Variants in RNF130 observed in about 807,000 individuals in gnomAD.
RNF130 encodes ring finger protein 130, also known as E3 ubiquitin-protein ligase RNF130.
Under a neutral mutation model 44.6 loss-of-function variants are expected in RNF130, and 21 were observed. That is an observed-to-expected ratio of 0.47 (90% CI 0.33 to 0.68). RNF130 has a LOEUF of 0.68. Ranked by LOEUF, RNF130 falls within the 30% of genes least tolerant of loss-of-function variation. The pLI, the probability that RNF130 is intolerant of heterozygous loss-of-function variation, is 0.02. For missense variants in RNF130, 479 were observed against 560.6 expected, an observed-to-expected ratio of 0.85 and a Z score of 1.47; for synonymous variants, 214 against 210.4, an observed-to-expected ratio of 1.02 and a Z score of -0.15.
chr5:179,994,998 G>A (rs1019194762), intron 3 of RNF130, among the ~76,000 whole-genome samples: 5 of 152,148 alleles, frequency 3.3e-5, no homozygotes, highest in Non-Finnish European at 5.9e-5. Flanking sequence ...GTGAAGCTGG[G>A]TAGAGCTGGA....
chr5:179,988,433 T>C (rs975313531), intron 3 of RNF130, among the ~76,000 whole-genome samples: 1 of 152,228 alleles, frequency 6.6e-6, no homozygotes, highest in Non-Finnish European at 1.5e-5. Flanking sequence ...TCTTTCATTC[T>C]ACCAATTTTG....
At chr5:179,921,918 G>A (rs948810673) in intron 7 of RNF130, among the ~76,000 whole-genome samples, 2 of 151,868 alleles carry the variant, frequency 1.3e-5, no homozygotes, top group Non-Finnish European at 1.5e-5. Context: ...CTACTCGGGA[G>A]GCTGAGGCAG....
intron 1 of RNF130, among the ~76,000 whole-genome samples, chr5:180,046,468 G>A (rs750759408): frequency 1.1e-4 from 17 of 152,140 alleles, no homozygotes; most frequent in Admixed American, 7.2e-4. Flanking sequence ...ATGTAAACAC[G>A]CCACATAAGA....
chr5:180,007,787 C>T (rs1038494459), intron 3 of RNF130, among the ~76,000 whole-genome samples: 1 of 152,136 alleles, frequency 6.6e-6, no homozygotes, highest in South Asian at 2.1e-4. Context: ...CCCGGCCCCA[C>T]ACTGGGTGCT....
At chr5:179,957,186 T>A (rs1582139747) in intron 8 of RNF130, among the ~76,000 whole-genome samples, 1 of 152,018 alleles carries the variant, frequency 6.6e-6, no homozygotes, top group South Asian at 2.1e-4. Context: ...CTGAGGTGGG[T>A]GGATCACCTG....
intron 5 of RNF130, among the ~76,000 whole-genome samples, chr5:179,971,359 A>G (rs1348845933): frequency 6.6e-6 from 1 of 152,162 alleles, no homozygotes; most frequent in Non-Finnish European, 1.5e-5. Context: ...TTGGGATAAG[A>G]TAAAAGAAAT....
At chr5:180,007,000 C>T (rs1055732839) in intron 3 of RNF130, among the ~76,000 whole-genome samples, 21 of 152,198 alleles carry the variant, frequency 1.4e-4, no homozygotes, top group African/African-American at 4.8e-4. Flanking sequence ...TCTTATATCA[C>T]ATGCAAAATG....
intron 3 of RNF130, among the ~76,000 whole-genome samples, chr5:179,989,968 T>A (rs903681488): frequency 1.3e-5 from 2 of 152,198 alleles, no homozygotes; most frequent in Non-Finnish European, 2.9e-5. Context: ...CCTTTGAGCC[T>A]CTACTATAGT....
chr5:179,962,252 T>A (rs575565653), intron 8 of RNF130, among the ~76,000 whole-genome samples: 2 of 152,346 alleles, frequency 1.3e-5, no homozygotes, highest in East Asian at 1.9e-4. Context: ...TCAACATGTA[T>A]GGCTCACAGA....
At chr5:180,022,122 G>A (rs897746704) in intron 2 of RNF130, among the ~76,000 whole-genome samples, 3 of 152,172 alleles carry the variant, frequency 2.0e-5, no homozygotes, top group African/African-American at 7.2e-5. Context: ...CCAGGCGGCC[G>A]AGAGCTTTTT....
intron 7 of RNF130, among the ~76,000 whole-genome samples, chr5:179,921,752 G>C (rs961971114): frequency 6.6e-6 from 1 of 152,140 alleles, no homozygotes; most frequent in African/African-American, 2.4e-5. Context: ...AGCCAAGATC[G>C]CGCCACACGC....
chr5:180,043,801 AATC>A (rs1284795321), intron 1 of RNF130, among the ~76,000 whole-genome samples: 2 of 152,184 alleles, frequency 1.3e-5, no homozygotes, highest in Non-Finnish European at 2.9e-5. Flanking sequence ...AAATTCATCT[AATC>A]ATCATCCATA....
intron 2 of RNF130, among the ~76,000 whole-genome samples, chr5:180,036,771 A>T (rs1764259615): frequency 6.6e-6 from 1 of 152,162 alleles, no homozygotes; most frequent in African/African-American, 2.4e-5. Flanking sequence ...TTTTTCTCTA[A>T]TGATTATTTT....
intron 7 of RNF130, among the ~76,000 whole-genome samples, chr5:179,940,284 G>A (rs1288102257): frequency 6.6e-5 from 10 of 150,952 alleles, no homozygotes; most frequent in African/African-American, 1.7e-4. Context: ...GCTGGGGTGC[G>A]ATCTCGGCTC....
At chr5:180,028,762 C>A (rs529682371) in intron 2 of RNF130, among the ~76,000 whole-genome samples, 27 of 152,234 alleles carry the variant, frequency 1.8e-4, no homozygotes, top group African/African-American at 6.5e-4. Context: ...AGGTATAAAT[C>A]GATACCTGTT....
chr5:180,007,898 T>A (rs1286315376), intron 3 of RNF130, among the ~76,000 whole-genome samples: 1 of 152,120 alleles, frequency 6.6e-6, no homozygotes, highest in Non-Finnish European at 1.5e-5. Context: ...AACACAGGCT[T>A]GCCTGTCAAC....
At chr5:180,071,038 CCGCATCCTTCCAGATCTAG>C (rs1186983998) in intron 1 of RNF130, among the ~76,000 whole-genome samples, 1 of 151,344 alleles carries the variant, frequency 6.6e-6, no homozygotes, top group African/African-American at 2.4e-5. Flanking sequence ...TAGAAAAGGG[CCGCATCCTTCCAGATCTAG>C]CGCAGCCTTA....
At chr5:180,061,205 C>A (rs1004319837) in intron 1 of RNF130, among the ~76,000 whole-genome samples, 1 of 151,516 alleles carries the variant, frequency 6.6e-6, no homozygotes, top group Non-Finnish European at 1.5e-5. Context: ...TGGCTGATGG[C>A]TTAGGAGCAG....
intron 1 of RNF130, among the ~76,000 whole-genome samples, chr5:180,045,270 G>A (rs1037933364): frequency 1.2e-4 from 18 of 152,182 alleles, no homozygotes; most frequent in Non-Finnish European, 2.4e-4. Context: ...CACTGTGTTC[G>A]GAATTCGTGG....
Sources: allele counts gnomAD v4.1 joint callset (sites outside exome capture counted in the v4.1 genomes callset), GRCh38; gene constraint gnomAD v4.1.1; transcripts MANE v1.5; gene names NCBI Gene and HGNC (gene_info 2026-07-23, HGNC 2026-07-21).